ATP2B1: variants seen among roughly 807,000 people sequenced by gnomAD.
ATP2B1 encodes plasma membrane calcium-transporting ATPase 1.
Under a neutral mutation model 124.2 loss-of-function variants are expected in ATP2B1, and 14 were observed. That is an observed-to-expected ratio of 0.11 (90% CI 0.07 to 0.18). ATP2B1 has a LOEUF of 0.18. ATP2B1 is among the 10% of genes least tolerant of loss of function. ATP2B1 has a pLI of 1.00. For missense variants in ATP2B1, 763 were observed against 1,466.1 expected (o/e 0.52, Z 7.83); for synonymous variants, 449 against 492.4 (o/e 0.91, Z 1.17).
At chr12:89,594,989 G>C (rs1027726387) in intron 20 of ATP2B1, 1 of 152,036 alleles carries the variant, frequency 6.6e-6, no homozygotes, top group Non-Finnish European at 1.5e-5. Flanking sequence ...CAAAATTCTA[G>C]ATTGTTTTCC....
intron 2 of ATP2B1, among the ~76,000 whole-genome samples, chr12:89,645,432 A>G (rs1231738044): frequency 6.6e-6 from 1 of 152,216 alleles, no homozygotes; most frequent in Admixed American, 6.5e-5. Flanking sequence ...AGAACATTCA[A>G]TAAGTTTATA....
intron 2 of ATP2B1, among the ~76,000 whole-genome samples, chr12:89,643,130 ATATG>A (rs1883870503): frequency 6.6e-6 from 1 of 151,126 alleles, no homozygotes; most frequent in Admixed American, 6.6e-5. Context: ...ATACACGTAT[ATATG>A]TATATACACG....
At chr12:89,692,462 A>G (rs915637876) in intron 1 of ATP2B1, among the ~76,000 whole-genome samples, 2 of 152,206 alleles carry the variant, frequency 1.3e-5, no homozygotes, top group African/African-American at 4.8e-5. Context: ...TTTCTCCCAC[A>G]TACTAAAGAT....
rs1872955141 is a variant in ATP2B1, at chr12:89,588,158, G to C, written c.*2826C>G. On this transcript the variant is annotated 3_prime_UTR_variant, in exon 21 of 21. Coordinates refer to ENST00000428670, the MANE Select transcript of ATP2B1 (RefSeq NM_001366521.1). ...GCTAAAATAGATGGTAAGCATCATT[G>C]AAAGAAATCAACACCATCACGGTAT... 1 of 152,590 alleles carries C rather than the reference G, an allele frequency of 6.6e-6. No homozygotes were observed. The highest frequency in any genetic ancestry group is 1.5e-5 in the Non-Finnish European group (1 of 68,008). 9.5% of individuals were successfully genotyped at this position (152,590 alleles called of 1,614,324 possible). A position where few individuals can be genotyped will look rare whatever the true frequency, so the allele number is the denominator to read the frequency against.
At chr12:89,676,517 C>T (rs150368706) in intron 1 of ATP2B1, among the ~76,000 whole-genome samples, 1 of 152,066 alleles carries the variant, frequency 6.6e-6, no homozygotes, top group African/African-American at 2.4e-5. Flanking sequence ...ATCTCCACCT[C>T]CTGGTAGCTG....
chr12:89,642,225 T>A lies in ATP2B1; in HGVS notation c.339A>T (p.Ile113=). The A allele has an allele frequency of 6.2e-7, 1 of 1,613,858 alleles. No individual in the cohort carries two copies. The highest frequency in any genetic ancestry group is 8.5e-7 in the Non-Finnish European group (1 of 1,179,840). The part of the protein sequence containing the change: ...WEALQDVTLI[I]LEIAAIVSLG... ...ATGATACTATGGCTGCAATTTCTAA[T>A]ATAATTAAAGTGACATCTTGTAATG... The change falls in exon 3 of 21, where the codon ATA becomes ATT. Residue 113 remains isoleucine, a synonymous_variant. Coordinates refer to ENST00000428670, the MANE Select transcript of ATP2B1 (RefSeq NM_001366521.1).
chr12:89,624,339 G>A lies in ATP2B1; in HGVS notation c.1188C>T (p.Thr396=), dbSNP rs1001384258. 1.2e-6 allele frequency: 2 copies of A among 1,614,096 alleles called. No homozygotes were observed. The change falls in exon 9 of 21, where the codon ACC becomes ACT. Residue 396 remains threonine (T), a synonymous_variant. Coordinates refer to ENST00000428670, the MANE Select transcript of ATP2B1 (RefSeq NM_001366521.1). ...IILVLYFVID[T]FWVQKRPWLA... ...GCCATGGTCTTTTCTGAACCCAGAA[G>A]GTGTCAATGACAAAATATAATACTA...
chr12:89,631,643 G>A (rs1045613991), intron 5 of ATP2B1, among the ~76,000 whole-genome samples: 4 of 152,030 alleles, frequency 2.6e-5, no homozygotes, highest in African/African-American at 4.8e-5. Flanking sequence ...CCTTGAGACC[G>A]ACCCAATCTT....
chr12:89,647,396 T>C (rs1010298169), intron 2 of ATP2B1, among the ~76,000 whole-genome samples: 1 of 152,222 alleles, frequency 6.6e-6, no homozygotes, highest in Non-Finnish European at 1.5e-5. Context: ...TGTCTTTATA[T>C]TTGAAAAGAA....
rs533369016 is a variant in ATP2B1 at position 89,603,923 on chromosome 12, G to A, written c.2637C>T (p.Asp879=). 1 of 1,613,294 alleles carries A rather than the reference G, an allele frequency of 6.2e-7. No individual in the cohort carries two copies. The highest frequency in any genetic ancestry group is 1.7e-5 in the Admixed American group (1 of 59,926). The change falls in exon 17 of 21, where the codon GAC becomes GAT. Residue 879 remains aspartate, a splice_region_variant and synonymous_variant. Coordinates refer to ENST00000428670, the MANE Select transcript of ATP2B1 (RefSeq NM_001366521.1). This position sits in a 1 kb window ranked among gnomAD's most constrained non-coding sequence, Gnocchi z 4.3. ...GCATCTGCACAGCCTTAAGCGGTGA[G>A]TCCTAGAAAAGATATGTTTCCTAAT... ...VAFTGACITQ[D]SPLKAVQMLW...
At chr12:89,654,337 G>C (rs906652469) in intron 2 of ATP2B1, among the ~76,000 whole-genome samples, 1 of 152,118 alleles carries the variant, frequency 6.6e-6, no homozygotes, top group Non-Finnish European at 1.5e-5. Flanking sequence ...CCATTTTAAT[G>C]TATTAATAGT....
intron 8 of ATP2B1, 106 bp from the exon 9 acceptor site, chr12:89,624,503 T>C: frequency 1.1e-6 from 1 of 917,490 alleles, no homozygotes; most frequent in East Asian, 2.7e-5. Context: ...TGCTTGATAG[T>C]ATTGAATTTC....
intron 11 of ATP2B1, among the ~76,000 whole-genome samples, chr12:89,618,490 A>G (rs1879394519): frequency 6.6e-6 from 1 of 152,178 alleles, no homozygotes; most frequent in African/African-American, 2.4e-5. Flanking sequence ...TCTCTCCTAA[A>G]CCATCTATCT....
At chr12:89,617,104 T>A in intron 11 of ATP2B1, 65 bp from the exon 12 acceptor site, 1 of 1,256,420 alleles carries the variant, frequency 8.0e-7, no homozygotes, top group Non-Finnish European at 1.2e-6. Context: ...GCCATTTAAG[T>A]GAACTGGCAG....
chr12:89,687,502 T>A (rs972824332), intron 1 of ATP2B1, among the ~76,000 whole-genome samples: 5 of 152,060 alleles, frequency 3.3e-5, no homozygotes, highest in African/African-American at 1.2e-4. Flanking sequence ...TACTTGAACA[T>A]CTGTGGGTTT....
chr12:89,603,943 C>T lies in ATP2B1; in HGVS notation c.2635-18G>A. 6.2e-7 allele frequency: 1 copy of T among 1,609,204 alleles called. No homozygotes were observed. Among genetic ancestry groups the T allele is most frequent in the Non-Finnish European group, 8.5e-7 (1 of 1,176,612 alleles). The stretch of plus-strand genomic sequence containing the variant: ...GGTGAGTCCTAGAAAAGATATGTTT[C>T]CTAATAGACATTCACAACTACTCAG... On this transcript the variant is annotated intron_variant, in intron 16 of 20. Coordinates refer to ENST00000428670, the MANE Select transcript of ATP2B1 (RefSeq NM_001366521.1). This position sits in a 1 kb window ranked among gnomAD's most constrained non-coding sequence, Gnocchi z 4.3.
intron 1 of ATP2B1, among the ~76,000 whole-genome samples, 169 bp from the exon 2 acceptor site, chr12:89,656,276 A>T (rs1885938746): frequency 6.6e-6 from 1 of 152,264 alleles, no homozygotes; most frequent in African/African-American, 2.4e-5. Flanking sequence ...TAAAAGATCA[A>T]AGTACAACTT....
intron 3 of ATP2B1, among the ~76,000 whole-genome samples, chr12:89,636,721 T>C (rs1169882331): frequency 6.6e-6 from 1 of 152,034 alleles, no homozygotes; most frequent in African/African-American, 2.4e-5. Flanking sequence ...GGGGATGAAA[T>C]GGAAGACTTG....
intron 1 of ATP2B1, among the ~76,000 whole-genome samples, chr12:89,672,298 A>G (rs943914757): frequency 4.6e-5 from 7 of 152,040 alleles, no homozygotes; most frequent in African/African-American, 1.7e-4. Flanking sequence ...CTATTAAAAT[A>G]CCCAAATTAG....
Sources: allele counts gnomAD v4.1 joint callset (sites outside exome capture counted in the v4.1 genomes callset), GRCh38; gene constraint gnomAD v4.1.1; non-coding constraint Gnocchi (gnomAD v3.1); transcripts MANE v1.5; gene names NCBI Gene and HGNC (gene_info 2026-07-23, HGNC 2026-07-21).